GNPTAB: variants seen among roughly 807,000 people sequenced by gnomAD.
GNPTAB encodes N-acetylglucosamine-1-phosphotransferase subunits alpha/beta.
A neutral mutation model predicts 136.6 loss-of-function variants in GNPTAB; 92 were observed. The observed-to-expected ratio is 0.67, with a 90% confidence interval of 0.57 to 0.80. The LOEUF (loss-of-function observed/expected upper bound fraction) is 0.80. Ranked by LOEUF, GNPTAB falls within the 30% of genes least tolerant of loss-of-function variation. The probability of loss-of-function intolerance (pLI) is 0.00; values close to 1 mark genes in which losing one functional copy is unlikely to be tolerated. For synonymous variants in GNPTAB, 512 were observed against 535.1 expected (o/e 0.96, Z 0.60); for missense variants, 1,343 against 1,501.8 (o/e 0.89, Z 1.75).
chr12:101,808,617 T>C (rs1386839758), intron 1 of GNPTAB, among the ~76,000 whole-genome samples: 1 of 152,216 alleles, frequency 6.6e-6, no homozygotes, highest in East Asian at 1.9e-4. Context: ...AAAGTAACAA[T>C]CCATAGGTGA....
chr12:101,801,539 CAAAAAAAAA>C (rs36066248), intron 1 of GNPTAB, among the ~76,000 whole-genome samples: 5,149 of 42,540 alleles, frequency 0.12, 407 homozygotes, highest in African/African-American at 0.34. Flanking sequence ...GACCCTGTCT[CAAAAAAAAA>C]AAAAAAAAAA....
At chr12:101,753,028 G>A (rs111488537) in intron 19 of GNPTAB, among the ~76,000 whole-genome samples, 2,318 of 152,060 alleles carry the variant, frequency 0.015, 63 homozygotes, top group African/African-American at 0.052. Flanking sequence ...TGAGGCGGGC[G>A]GATCACCTGA....
At chr12:101,754,609 C>CA (rs1331697130) in intron 18 of GNPTAB, among the ~76,000 whole-genome samples, 2 of 151,856 alleles carry the variant, frequency 1.3e-5, no homozygotes, top group Non-Finnish European at 2.9e-5. Flanking sequence ...ACAGTTCTGG[C>CA]AAAAAAGCAG....
intron 16 of GNPTAB, among the ~76,000 whole-genome samples, chr12:101,758,269 C>T (rs1594208176): frequency 6.6e-6 from 1 of 152,324 alleles, no homozygotes; most frequent in South Asian, 2.1e-4. Context: ...GAACTCCTGA[C>T]CTCAAGTGAT....
intron 11 of GNPTAB, 81 bp downstream of exon 11, chr12:101,767,956 A>C (rs747447867): frequency 2.1e-6 from 3 of 1,402,722 alleles, no homozygotes; most frequent in Non-Finnish European, 3.0e-6. Context: ...TGTTTGGTTA[A>C]GTCTATAGCA....
Position 101,780,635 on chromosome 12 carries a change from TACAATAA to T in GNPTAB, c.572-21_572-15del. 1 of 1,573,442 alleles carries T rather than the reference TACAATAA, an allele frequency of 6.4e-7. No homozygotes were observed. Among genetic ancestry groups the T allele is most frequent in the Non-Finnish European group, 8.7e-7 (1 of 1,143,154 alleles). On this transcript the variant is annotated splice_polypyrimidine_tract_variant and intron_variant, in intron 5 of 20. Coordinates refer to ENST00000299314, the MANE Select transcript of GNPTAB (RefSeq NM_024312.5). ...GGGCATCTTCAACTACAACCAAGAA[TACAATAA>T]ACAAGCACATTTTTAATGAATACTC...
chr12:101,765,399 T>A lies in GNPTAB; in HGVS notation c.1613-95A>T, dbSNP rs552577169. 1.9e-5 allele frequency: 16 copies of A among 861,760 alleles called. No homozygotes were observed. The Admixed American group carries it at 2.1e-4, about 12-fold the overall frequency. 53.4% of individuals were successfully genotyped at this position (861,760 alleles called of 1,614,324 possible). On this transcript the variant is annotated intron_variant, in intron 12 of 20. Coordinates refer to ENST00000299314, the MANE Select transcript of GNPTAB (RefSeq NM_024312.5). Reference sequence around the variant, plus strand: ...TTGAGTCTGAGTTTTCACTTTCTTTTAAAAAAAATAATAGGGAATGCATCA... The same window carrying A: ...TTGAGTCTGAGTTTTCACTTTCTTTAAAAAAAAATAATAGGGAATGCATCA...
At chr12:101,809,190 C>T (rs1026139717) in intron 1 of GNPTAB, among the ~76,000 whole-genome samples, 2 of 152,160 alleles carry the variant, frequency 1.3e-5, no homozygotes, top group Non-Finnish European at 2.9e-5. Flanking sequence ...AAATGATGCT[C>T]AACATCACAT....
intron 7 of GNPTAB, among the ~76,000 whole-genome samples, chr12:101,772,507 T>C (rs1218091957): frequency 3.9e-5 from 6 of 152,222 alleles, no homozygotes; most frequent in Non-Finnish European, 7.3e-5. Context: ...TAGGTGCAGG[T>C]GCATGTGTGA....
intron 12 of GNPTAB, chr12:101,765,873 A>T: frequency 1.9e-6 from 1 of 527,742 alleles, no homozygotes; most frequent in Non-Finnish European, 3.4e-6. Flanking sequence ...TCCAAACAAA[A>T]CAAAACAAAA....
chr12:101,800,324 T>C (rs1454221885), intron 1 of GNPTAB, among the ~76,000 whole-genome samples: 2 of 151,958 alleles, frequency 1.3e-5, no homozygotes, highest in African/African-American at 4.8e-5. Flanking sequence ...GTCTCTATTT[T>C]TTCCCTATTA....
chr12:101,829,745 C>T (rs1476077068), intron 1 of GNPTAB, among the ~76,000 whole-genome samples: 2 of 152,028 alleles, frequency 1.3e-5, no homozygotes, highest in Admixed American at 6.6e-5. Flanking sequence ...CATTTTTTCC[C>T]AGCCTCTAGA....
chr12:101,753,581 A>T, intron 18 of GNPTAB, 42 bp from the exon 19 acceptor site: 1 of 1,494,300 alleles, frequency 6.7e-7, no homozygotes, highest in Non-Finnish European at 9.3e-7. Flanking sequence ...ACATATGGAT[A>T]ATCCTGACCT....
At chr12:101,804,430 T>C (rs1178541416) in intron 1 of GNPTAB, among the ~76,000 whole-genome samples, 2 of 152,182 alleles carry the variant, frequency 1.3e-5, no homozygotes, top group East Asian at 1.9e-4. Context: ...TTGTTTGTTT[T>C]ATTGCTCAGA....
At chr12:101,826,271 T>C (rs1871079607) in intron 1 of GNPTAB, among the ~76,000 whole-genome samples, 1 of 152,146 alleles carries the variant, frequency 6.6e-6, no homozygotes, top group Admixed American at 6.5e-5. Flanking sequence ...TGAACCTATT[T>C]TGCTTCCTTA....
At chr12:101,762,613 T>C (rs1953016875) in intron 13 of GNPTAB, among the ~76,000 whole-genome samples, 1 of 151,820 alleles carries the variant, frequency 6.6e-6, no homozygotes, top group South Asian at 2.1e-4. Flanking sequence ...GGCATGGGTA[T>C]AAATAAATAA....
chr12:101,765,990 C>T, intron 12 of GNPTAB, 101 bp downstream of exon 12: 1 of 990,382 alleles, frequency 1.0e-6, no homozygotes. Flanking sequence ...AAGGGATACA[C>T]AGAGAATCAT....
rs770407978 is a variant in GNPTAB at position 101,764,667 on chromosome 12, A to T, written c.2250T>A (p.Asn750Lys). The change falls in exon 13 of 21, where the codon AAT becomes AAA. Residue 750 changes from asparagine (N) to lysine (K), a missense_variant. By Grantham distance (94) the Asn-to-Lys change is moderately conservative (BLOSUM62 0). Transcript: ENST00000299314. ...LMNSQHAKIK[N>K]QAIITDETND... ...TTGTTTCATCTGTTATTATAGCTTG[A>T]TTTTTTATTTTAGCATGCTGTGAGT... 12 of 1,612,530 alleles carry T rather than the reference A, an allele frequency of 7.4e-6. No individual in the cohort carries two copies. The highest frequency in any genetic ancestry group is 1.3e-5 in the African/African-American group (1 of 74,770).
At position 101,762,726 on chromosome 12, in the gene GNPTAB, C is replaced by G. The variant is rs77462645; in HGVS notation, c.2716-963G>C. ...ATATATTTCTCTATATATAACTATA[C>G]ATACATATAGGTATGTTTGCATAGC... On this transcript the variant is annotated intron_variant, in intron 13 of 20. Transcript: ENST00000299314. Among the ~76,000 whole-genome samples, 3,863 of 152,078 alleles carry G rather than the reference C, an allele frequency of 0.025. 343 individuals are homozygous for G. The East Asian group carries it at 0.31, about 12-fold the overall frequency.
Sources: allele counts gnomAD v4.1 joint callset (sites outside exome capture counted in the v4.1 genomes callset), GRCh38; gene constraint gnomAD v4.1.1; transcripts MANE v1.5; gene names NCBI Gene and HGNC (gene_info 2026-07-23, HGNC 2026-07-21).